SIVA1: variants seen among roughly 807,000 people sequenced by gnomAD.
The protein encoded by SIVA1 is SIVA1 apoptosis inducing factor.
Under a neutral mutation model 19.7 loss-of-function variants are expected in SIVA1, and 10 were observed. That is an observed-to-expected ratio of 0.51 (90% CI 0.31 to 0.86). SIVA1 has a LOEUF of 0.86. Among genes scored for constraint, SIVA1 ranks in the 40% least tolerant of loss-of-function variants. The probability of loss-of-function intolerance (pLI) is 0.04; values close to 1 mark genes in which losing one functional copy is unlikely to be tolerated. For missense variants in SIVA1, 241 were observed against 245.2 expected, an observed-to-expected ratio of 0.98 and a Z score of 0.11; for synonymous variants, 130 against 106.1, an observed-to-expected ratio of 1.23 and a Z score of -1.39.
At chr14:104,758,715 C>T (rs956427088) in intron 3 of SIVA1, 8 of 152,270 alleles carry the variant, frequency 5.3e-5, no homozygotes, top group East Asian at 1.9e-4. Context: ...GTCTCGAACT[C>T]CTGACCTCAG....
chr14:104,753,432 C>T, intron 1 of SIVA1, 113 bp downstream of exon 1: 1 of 701,716 alleles, frequency 1.4e-6, no homozygotes, highest in Admixed American at 3.4e-5. Context: ...GCTTTCTGGC[C>T]CCGCGTTCCC....
chr14:104,755,759 G>T lies in SIVA1; in HGVS notation c.248G>T (p.Arg83Leu). Residue 83 changes from arginine (R) to leucine (L), a missense_variant, in exon 2 of 4, where the codon CGT (arginine) becomes CTT (leucine). Physicochemically the swap from Arg to Leu is moderately radical, Grantham distance 102 (BLOSUM62 -2). Coordinates refer to ENST00000329967, the MANE Select transcript of SIVA1 (RefSeq NM_006427.4). ...CCTACAGGGGCCCCGAGGGCTGCAC[G>T]TGGGCAGATGCTGATTGGACCAGAC... is the stretch of plus-strand genomic sequence containing the variant. Reference protein sequence around the residue: ...PGPTGAPRAARGQMLIGPDGR... With the variant: ...PGPTGAPRAALGQMLIGPDGR... The T allele has an allele frequency of 6.2e-7, 1 of 1,614,100 alleles. No homozygotes were observed. The highest frequency in any genetic ancestry group is 8.5e-7 in the Non-Finnish European group (1 of 1,180,026).
At position 104,753,215 on chromosome 14, in the gene SIVA1, G is replaced by A. The variant is rs1171095283; in HGVS notation, c.14G>A (p.Ser5Asn). ...GGCCCCGCGGCCATGCCCAAGCGGAGCTGCCCCTTCGCGGACGTGGCCCCG... is the reference window on the plus strand; with the variant it reads ...GGCCCCGCGGCCATGCCCAAGCGGAACTGCCCCTTCGCGGACGTGGCCCCG... Reference protein sequence around the residue: MPKRSCPFADVAPLQ... With the variant: MPKRNCPFADVAPLQ... The change falls in exon 1 of 4, where the codon AGC becomes AAC. Residue 5 changes from serine to asparagine, a missense_variant. By Grantham distance (46) the Ser-to-Asn change is conservative. Coordinates refer to ENST00000329967, the MANE Select transcript of SIVA1 (RefSeq NM_006427.4). 1.3e-6 allele frequency: 2 copies of A among 1,577,452 alleles called. No homozygotes were observed. The highest frequency in any genetic ancestry group is 3.6e-5 in the Admixed American group (2 of 54,816).
At chr14:104,754,787 G>T (rs925401279) in intron 1 of SIVA1, among the ~76,000 whole-genome samples, 2 of 152,196 alleles carry the variant, frequency 1.3e-5, no homozygotes, top group Admixed American at 1.3e-4. Context: ...GGGGGAAGGT[G>T]TGGGGGGCCA....
chr14:104,756,849 A>AAC (rs201083906), intron 3 of SIVA1, 89 bp downstream of exon 3: 21 of 1,309,552 alleles, frequency 1.6e-5, no homozygotes, highest in East Asian at 1.0e-4. Flanking sequence ...GTGGGCCCAG[A>AAC]ACACACACGT....
In SIVA1 at chr14:104,759,449, A is replaced by G. The variant is rs771437927; in HGVS notation, c.492A>G (p.Lys164=). ...GCAGCTGCAGTGACATGTACGAGAA[A>G]GTGCTGTGCACCAGCTGTGCCATGT... ...GLVDCSDMYE[K]VLCTSCAMFE... is the part of the protein sequence containing the mutation. Residue 164 remains lysine, a synonymous_variant, in exon 4 of 4, where the codon AAA becomes AAG. Coordinates refer to ENST00000329967, the MANE Select transcript of SIVA1 (RefSeq NM_006427.4). The surrounding 1 kb of genome is among the most constrained non-coding windows in gnomAD (Gnocchi z 4.2). 18 of 1,612,910 alleles carry G rather than the reference A, an allele frequency of 1.1e-5. No individual in the cohort carries two copies. Among genetic ancestry groups the G allele is most frequent in the Admixed American group, 3.3e-5 (2 of 59,964 alleles).
chr14:104,753,911 G>C (rs1350033813), intron 1 of SIVA1: 4 of 355,254 alleles, frequency 1.1e-5, no homozygotes, highest in Non-Finnish European at 2.4e-5. Context: ...GCACCTGCAG[G>C]GATGGCACGG....
intron 3 of SIVA1, 98 bp downstream of exon 3, chr14:104,756,858 G>T: frequency 1.2e-6 from 1 of 852,044 alleles, no homozygotes; most frequent in South Asian, 2.4e-5. Context: ...GAACACACAC[G>T]TGTGGCCCCT....
rs1462949295 is a variant in SIVA1, at chr14:104,753,180, C to T, written c.-22C>T. The stretch of plus-strand genomic sequence containing the variant: ...TAAGGGGCTGGCGGCCGGGGAGCTG[C>T]GTAGCTCCCGGCCCCGCGGCCATGC... On this transcript the variant is annotated 5_prime_UTR_variant, in exon 1 of 4. Transcript: ENST00000329967. The T allele has an allele frequency of 3.5e-5, 52 of 1,486,394 alleles. No individual in the cohort carries two copies. The highest frequency in any genetic ancestry group is 4.2e-5 in the Non-Finnish European group (46 of 1,091,902). The allele number at this position is 1,486,394 out of a possible 1,614,324, so 92.1% of individuals were successfully genotyped here.
At position 104,759,483 on chromosome 14, in the gene SIVA1, T is replaced by C; in HGVS notation, c.526T>C (p.Ter176ArgextTer28). ...LCTSCAMFET[*>R] is the part of the protein sequence containing the mutation. The stretch of plus-strand genomic sequence containing the variant: ...CACCAGCTGTGCCATGTTCGAGACC[T>C]GAGGCTGGCTCAAGCCGGCTGCCTT... The change falls in exon 4 of 4, where the codon TGA becomes CGA. Residue 176 changes from the stop codon to arginine (R), a stop_lost. Transcript: ENST00000329967. This position sits in a 1 kb window ranked among gnomAD's most constrained non-coding sequence, Gnocchi z 4.2. 1 of 1,610,392 alleles carries C rather than the reference T, an allele frequency of 6.2e-7. No homozygotes were observed.
In SIVA1 at chr14:104,755,659, G is replaced by A. The variant is rs141296448; in HGVS notation, c.148G>A (p.Ala50Thr). 6,802 of 1,613,442 alleles carry A rather than the reference G, an allele frequency of 4.2e-3. 18 individuals are homozygous for A. Among genetic ancestry groups the A allele is most frequent in the Non-Finnish European group, 5.2e-3 (6,082 of 1,179,874 alleles). ...EKTKRLLFLG[A>T]QAYLDHVWDE... ...GACCAAGCGACTCCTGTTCCTCGGG[G>A]CCCAGGCCTACCTGGACCACGTGTG... The change falls in exon 2 of 4, where the codon GCC (alanine) becomes ACC (threonine). Residue 50 changes from alanine to threonine, a missense_variant. Physicochemically the swap from Ala to Thr is moderately conservative, Grantham distance 58. Transcript: ENST00000329967.
intron 2 of SIVA1, 46 bp from the exon 3 acceptor site, chr14:104,756,558 C>T (rs771942965): frequency 8.1e-6 from 13 of 1,611,932 alleles, no homozygotes; most frequent in Middle Eastern, 1.6e-4. Context: ...GTCCCGGAAA[C>T]TCCAGTCTCC....
chr14:104,757,281 C>T (rs1405017087), intron 3 of SIVA1: 2 of 441,648 alleles, frequency 4.5e-6, no homozygotes, highest in East Asian at 1.5e-4. Flanking sequence ...CTAGGGGCTA[C>T]TCACCTGGTG....
At chr14:104,753,812 C>G (rs975811394) in intron 1 of SIVA1, 3 of 453,258 alleles carry the variant, frequency 6.6e-6, no homozygotes, top group African/African-American at 6.0e-5. Flanking sequence ...CAGATGTGCC[C>G]CGTCTCCCGG....
At chr14:104,756,820 G>T (rs1891907479) in intron 3 of SIVA1, 60 bp downstream of exon 3, 16 of 1,526,604 alleles carry the variant, frequency 1.0e-5, no homozygotes, top group Non-Finnish European at 1.4e-5. Context: ...CCGTGATGGG[G>T]GACGGGTGGG....
rs1417453293 is a variant in SIVA1 at position 104,756,703 on chromosome 14, G to A, written c.413G>A (p.Cys138Tyr). The A allele has an allele frequency of 4.3e-6, 7 of 1,614,170 alleles. No homozygotes were observed. The highest frequency in any genetic ancestry group is 5.9e-6 in the Non-Finnish European group (7 of 1,180,022). ...GQCERALCGQ[C>Y]VRTCWGCGSV... is the part of the protein sequence containing the mutation. ...TGTGAGCGAGCCCTGTGCGGGCAGT[G>A]TGTGCGCACCTGCTGGGGCTGCGGC... Residue 138 changes from cysteine (C) to tyrosine (Y), a missense_variant, in exon 3 of 4, where the codon TGT (cysteine) becomes TAT (tyrosine). Physicochemically the swap from Cys to Tyr is radical, Grantham distance 194. Coordinates refer to ENST00000329967, the MANE Select transcript of SIVA1 (RefSeq NM_006427.4).
chr14:104,753,218 G>A lies in SIVA1; in HGVS notation c.17G>A (p.Cys6Tyr), dbSNP rs762666875. MPKRS[C>Y]PFADVAPLQL... ...CCCGCGGCCATGCCCAAGCGGAGCT[G>A]CCCCTTCGCGGACGTGGCCCCGCTA... is the stretch of plus-strand genomic sequence containing the variant. The change falls in exon 1 of 4, where the codon TGC becomes TAC. Residue 6 changes from cysteine to tyrosine, a missense_variant. Cys to Tyr is a radical substitution (Grantham distance 194). Coordinates refer to ENST00000329967, the MANE Select transcript of SIVA1 (RefSeq NM_006427.4). The A allele has an allele frequency of 1.4e-5, 22 of 1,578,604 alleles. No homozygotes were observed. Among genetic ancestry groups the A allele is most frequent in the South Asian group, 8.0e-5 (7 of 87,004 alleles).
chr14:104,755,313 C>T (rs867708732), intron 1 of SIVA1, among the ~76,000 whole-genome samples: 3 of 152,164 alleles, frequency 2.0e-5, no homozygotes, highest in African/African-American at 4.8e-5. Context: ...GAGGCGAGGC[C>T]AGCCGTGAAT....
rs1446571603 is a variant in SIVA1 at position 104,755,841 on chromosome 14, G to A, written c.313+17G>A. 1.9e-6 allele frequency: 3 copies of A among 1,609,578 alleles called. No homozygotes were observed. Among genetic ancestry groups the A allele is most frequent in the Non-Finnish European group, 2.5e-6 (3 of 1,177,848 alleles). On this transcript the variant is annotated intron_variant, in intron 2 of 3. Coordinates refer to ENST00000329967, the MANE Select transcript of SIVA1 (RefSeq NM_006427.4). ...CCGAAGCTGGTGAGTGGCACCAGCA[G>A]CCCTTTGTGGCTGTGGCACTGAGGG...
Sources: allele counts gnomAD v4.1 joint callset (sites outside exome capture counted in the v4.1 genomes callset), GRCh38; gene constraint gnomAD v4.1.1; non-coding constraint Gnocchi (gnomAD v3.1); transcripts MANE v1.5; gene names NCBI Gene and HGNC (gene_info 2026-07-23, HGNC 2026-07-21).